Variants in KCND2 observed in about 807,000 individuals in gnomAD.
KCND2 encodes A-type voltage-gated potassium channel KCND2.
KCND2 carries 16 observed loss-of-function variants against 54.4 expected under a neutral mutation model. The observed-to-expected ratio is 0.29, with a 90% CI of 0.20 to 0.45. KCND2 has a LOEUF of 0.45. KCND2 is among the 20% of genes least tolerant of loss of function. The pLI, the probability that KCND2 is intolerant of heterozygous loss-of-function variation, is 1.00. For synonymous variants in KCND2, 317 were observed against 310.7 expected (o/e 1.02, Z -0.21); for missense variants, 486 against 824.2 (o/e 0.59, Z 5.02).
chr7:120,553,548 A>G (rs1562871537), intron 1 of KCND2, among the ~76,000 whole-genome samples: 2 of 152,148 alleles, frequency 1.3e-5, no homozygotes, highest in Non-Finnish European at 2.9e-5. Context: ...CTTTGTACCT[A>G]GAAGGTATCT....
intron 1 of KCND2, among the ~76,000 whole-genome samples, chr7:120,324,757 G>C (rs1169148360): frequency 1.3e-5 from 2 of 151,946 alleles, no homozygotes; most frequent in Admixed American, 6.6e-5. Context: ...TTGTTCTTTT[G>C]GCTTAGGATT....
chr7:120,412,394 G>T (rs1801463943), intron 1 of KCND2, among the ~76,000 whole-genome samples: 1 of 151,902 alleles, frequency 6.6e-6, no homozygotes, highest in South Asian at 2.1e-4. Flanking sequence ...CATATGTATT[G>T]CAGAGAGCTT....
chr7:120,426,744 C>T (rs563928486), intron 1 of KCND2, among the ~76,000 whole-genome samples: 139 of 152,010 alleles, frequency 9.1e-4, no homozygotes, highest in Non-Finnish European at 1.7e-3. Flanking sequence ...GCCTCAGCCT[C>T]CTGAGTAGCT....
chr7:120,320,351 T>C (rs1584728611), intron 1 of KCND2, among the ~76,000 whole-genome samples: 1 of 152,064 alleles, frequency 6.6e-6, no homozygotes. Context: ...GACCCTACCA[T>C]TGTCTAAGAT....
intron 1 of KCND2, among the ~76,000 whole-genome samples, chr7:120,383,361 G>A (rs1395717981): frequency 1.3e-5 from 2 of 151,844 alleles, no homozygotes; most frequent in Admixed American, 6.6e-5. Flanking sequence ...CCTTATAGTC[G>A]TTAATTTATT....
chr7:120,471,012 T>C (rs1802445916), intron 1 of KCND2, among the ~76,000 whole-genome samples: 1 of 152,012 alleles, frequency 6.6e-6, no homozygotes, highest in African/African-American at 2.4e-5. Context: ...TCATTAGATA[T>C]TATAAGTCAA....
At chr7:120,365,313 G>A (rs1800654407) in intron 1 of KCND2, among the ~76,000 whole-genome samples, 2 of 152,022 alleles carry the variant, frequency 1.3e-5, no homozygotes, top group South Asian at 4.1e-4. Context: ...CTGAGCCGAA[G>A]TGTCATTTGT....
At chr7:120,658,233 G>A (rs1791826346) in intron 1 of KCND2, among the ~76,000 whole-genome samples, 1 of 152,110 alleles carries the variant, frequency 6.6e-6, no homozygotes, top group South Asian at 2.1e-4. Flanking sequence ...CCAAGCGAGT[G>A]AGAAATTGAG....
chr7:120,708,798 C>T (rs1235967618), intron 1 of KCND2, among the ~76,000 whole-genome samples: 1 of 152,062 alleles, frequency 6.6e-6, no homozygotes, highest in Non-Finnish European at 1.5e-5. Flanking sequence ...TTTCATAGCA[C>T]ATATCATAAT....
chr7:120,598,318 G>A (rs1025421092), intron 1 of KCND2, among the ~76,000 whole-genome samples: 1 of 152,080 alleles, frequency 6.6e-6, no homozygotes, highest in African/African-American at 2.4e-5. Context: ...ACTGCTCAAT[G>A]TTTAATGCAC....
chr7:120,562,538 A>T (rs1231373887), intron 1 of KCND2, among the ~76,000 whole-genome samples: 3 of 152,260 alleles, frequency 2.0e-5, no homozygotes, highest in Non-Finnish European at 4.4e-5. Flanking sequence ...AGTGAAAAAA[A>T]TAAGAGTGAA....
intron 1 of KCND2, among the ~76,000 whole-genome samples, chr7:120,414,724 C>T (rs1369161462): frequency 1.3e-5 from 2 of 152,130 alleles, no homozygotes; most frequent in Non-Finnish European, 2.9e-5. Context: ...GTTGTCACCA[C>T]TTTTTCCTTG....
intron 1 of KCND2, among the ~76,000 whole-genome samples, chr7:120,335,643 G>A (rs1266599277): frequency 6.6e-6 from 1 of 151,654 alleles, no homozygotes; most frequent in African/African-American, 2.4e-5. Flanking sequence ...CCCCCACCAC[G>A]CCTGGCTAAT....
chr7:120,640,832 G>C (rs1349543169), intron 1 of KCND2, among the ~76,000 whole-genome samples: 1 of 152,142 alleles, frequency 6.6e-6, no homozygotes, highest in Non-Finnish European at 1.5e-5. Context: ...CTCCTGGGGT[G>C]CTTCTCCAAG....
chr7:120,406,691 A>T (rs1801365657), intron 1 of KCND2, among the ~76,000 whole-genome samples: 1 of 152,088 alleles, frequency 6.6e-6, no homozygotes, highest in East Asian at 1.9e-4. Flanking sequence ...CAAAGTTAGG[A>T]ATTGAGCTGA....
Position 120,511,327 on chromosome 7 carries a change from C to T in KCND2, c.1116-221576C>T, listed in dbSNP as rs1422212188. Among the ~76,000 whole-genome samples the T allele has an allele frequency of 2.0e-5, 3 of 152,042 alleles. No individual in the cohort carries two copies. The East Asian group carries it at 5.8e-4, about 29-fold the overall frequency. ...AGACTTAACACTATCTAACATATGA[C>T]TCTACATTAAATTGCTCATTTGTTT... On this transcript the variant is annotated intron_variant, in intron 1 of 5. Transcript: ENST00000331113.
chr7:120,617,605 A>C lies in KCND2; in HGVS notation c.1116-115298A>C, dbSNP rs143360641. 2.7e-3 allele frequency among the ~76,000 whole-genome samples: 417 copies of C among 152,322 alleles called. 2 individuals are homozygous for C. Among genetic ancestry groups the C allele is most frequent in the African/African-American group, 9.6e-3 (398 of 41,572 alleles). On this transcript the variant is annotated intron_variant, in intron 1 of 5. Transcript: ENST00000331113. ...CTTTGGAGATTTCTCAAAGAGCTTG[A>C]AACAGAACTACCATTCGATCCAGCA...
At chr7:120,578,757 C>A (rs1030660198) in intron 1 of KCND2, among the ~76,000 whole-genome samples, 1 of 151,964 alleles carries the variant, frequency 6.6e-6, no homozygotes, top group Non-Finnish European at 1.5e-5. Context: ...CCCAGCTACT[C>A]AGGAGGCTGA....
At chr7:120,724,984 A>G (rs1251770958) in intron 1 of KCND2, among the ~76,000 whole-genome samples, 1 of 152,184 alleles carries the variant, frequency 6.6e-6, no homozygotes, top group Non-Finnish European at 1.5e-5. Flanking sequence ...AAAACACTTC[A>G]TTAGAATGTT....
Sources: allele counts gnomAD v4.1 joint callset (sites outside exome capture counted in the v4.1 genomes callset), GRCh38; gene constraint gnomAD v4.1.1; transcripts MANE v1.5; gene names NCBI Gene and HGNC (gene_info 2026-07-23, HGNC 2026-07-21).